Variants in PTPRN2 observed in about 807,000 individuals in gnomAD.
The protein encoded by PTPRN2 is protein tyrosine phosphatase receptor type N2, also known as receptor-type tyrosine-protein phosphatase N2.
Under a neutral mutation model 118.8 loss-of-function variants are expected in PTPRN2, and 74 were observed. The observed-to-expected ratio is 0.62, with a 90% confidence interval of 0.52 to 0.76. PTPRN2 has a LOEUF of 0.76. PTPRN2 is among the 30% of genes least tolerant of loss of function. The pLI is 0.00. For missense variants in PTPRN2, 1,481 were observed against 1,394.4 expected (o/e 1.06, Z -0.99); for synonymous variants, 641 against 608.0 (o/e 1.05, Z -0.80).
intron 11 of PTPRN2, among the ~76,000 whole-genome samples, chr7:157,904,960 C>A (rs1384507730): frequency 6.6e-6 from 1 of 152,160 alleles, no homozygotes; most frequent in African/African-American, 2.4e-5. Flanking sequence ...TCTCAGGGCA[C>A]CCCCGACACC....
intron 21 of PTPRN2, among the ~76,000 whole-genome samples, chr7:157,558,583 G>A (rs1175406281): frequency 1.3e-5 from 2 of 152,266 alleles, no homozygotes; most frequent in Non-Finnish European, 2.9e-5. Flanking sequence ...TTCTCATGCT[G>A]CCTGGAACAC....
At chr7:158,490,091 C>A (rs1316460825) in intron 1 of PTPRN2, among the ~76,000 whole-genome samples, 3 of 152,178 alleles carry the variant, frequency 2.0e-5, no homozygotes, top group African/African-American at 7.2e-5. Flanking sequence ...GGAGCAGCAG[C>A]GGGGCCGGGG....
intron 3 of PTPRN2, among the ~76,000 whole-genome samples, chr7:158,249,484 A>G (rs554162547): frequency 7.3e-5 from 11 of 150,430 alleles, no homozygotes; most frequent in African/African-American, 2.7e-4. Context: ...CCACACCTGC[A>G]CACACACACC....
intron 3 of PTPRN2, among the ~76,000 whole-genome samples, chr7:158,206,505 G>A (rs1827158086): frequency 6.6e-6 from 1 of 152,086 alleles, no homozygotes. Context: ...TACAGTCCTA[G>A]TGGTGGGGTG....
At position 157,981,781 on chromosome 7, in the gene PTPRN2, T is replaced by C. The variant is rs145693499; in HGVS notation, c.1724-83044A>G. Reference sequence around the variant, plus strand: ...TACTTCGGAAAGGCACAAGCTATGATGTGAAGGCTTTGAGTTAATATAACA... The same window carrying C: ...TACTTCGGAAAGGCACAAGCTATGACGTGAAGGCTTTGAGTTAATATAACA... On this transcript the variant is annotated intron_variant, in intron 11 of 22. Transcript: ENST00000389418. Among the ~76,000 whole-genome samples, 419 of 152,394 alleles carry C rather than the reference T, an allele frequency of 2.7e-3. 2 individuals carry two copies. The highest frequency in any genetic ancestry group is 9.4e-3 in the African/African-American group (393 of 41,600).
chr7:157,978,766 C>A (rs990200563), intron 11 of PTPRN2, among the ~76,000 whole-genome samples: 1 of 151,972 alleles, frequency 6.6e-6, no homozygotes, highest in Non-Finnish European at 1.5e-5. Context: ...AAGCCTTTTC[C>A]CCTGATTTTC....
rs373447831 is a variant in PTPRN2 at position 158,510,984 on chromosome 7, G to C, written c.113-21199C>G. On this transcript the variant is annotated intron_variant, in intron 1 of 22. Coordinates refer to ENST00000389418, the MANE Select transcript of PTPRN2 (RefSeq NM_002847.5). ...CCTGCCACCCATGTGAGGTCACATG[G>C]GGTTGGCAAAGAACCTTCCTTGAGT... Among the ~76,000 whole-genome samples the C allele has an allele frequency of 6.6e-4, 101 of 152,330 alleles. 1 individual carries two copies. The South Asian group carries it at 0.021, about 31-fold the overall frequency.
chr7:158,414,067 CAAAAAA>C (rs34928217), intron 2 of PTPRN2, among the ~76,000 whole-genome samples: 3 of 76,470 alleles, frequency 3.9e-5, no homozygotes, highest in Non-Finnish European at 5.2e-5. Context: ...GCCTCTATCT[CAAAAAA>C]AAAAAAAAAA....
intron 6 of PTPRN2, among the ~76,000 whole-genome samples, chr7:158,139,743 A>G (rs1025798453): frequency 1.3e-5 from 2 of 152,228 alleles, no homozygotes; most frequent in African/African-American, 4.8e-5. Flanking sequence ...CCAGGAGCGC[A>G]GAGGCCGCCA....
chr7:158,475,068 C>A (rs1333576084), intron 2 of PTPRN2, among the ~76,000 whole-genome samples: 1 of 152,164 alleles, frequency 6.6e-6, no homozygotes, highest in South Asian at 2.1e-4. Context: ...ACCCCGGCTG[C>A]AGCACAGTCT....
At position 158,570,476 on chromosome 7, in the gene PTPRN2, G is replaced by A. The variant is rs531213632; in HGVS notation, c.112+17082C>T. Among the ~76,000 whole-genome samples, 86 of 152,242 alleles carry A rather than the reference G, an allele frequency of 5.6e-4. 1 individual carries two copies. Among genetic ancestry groups the A allele is most frequent in the African/African-American group, 2.0e-3 (84 of 41,572 alleles). On this transcript the variant is annotated intron_variant, in intron 1 of 22. Coordinates refer to ENST00000389418, the MANE Select transcript of PTPRN2 (RefSeq NM_002847.5). This position sits in a 1 kb window ranked among gnomAD's most constrained non-coding sequence, Gnocchi z 4.5. The stretch of plus-strand genomic sequence containing the variant: ...GACGGACTCTGCACCGTGAGAAAGC[G>A]GCTTCGGCAGCTCCGACCCCTCAAC...
intron 6 of PTPRN2, among the ~76,000 whole-genome samples, chr7:158,144,412 C>T (rs999679818): frequency 6.6e-5 from 10 of 152,106 alleles, no homozygotes; most frequent in African/African-American, 2.2e-4. Flanking sequence ...CCAAGGTGGG[C>T]GGATTTCTTG....
chr7:158,498,021 C>T (rs1371077943), intron 1 of PTPRN2, among the ~76,000 whole-genome samples: 1 of 152,266 alleles, frequency 6.6e-6, no homozygotes, highest in Non-Finnish European at 1.5e-5. Context: ...CACCTCCACC[C>T]CATACGCCTG....
At chr7:158,467,336 C>T (rs1413415151) in intron 2 of PTPRN2, among the ~76,000 whole-genome samples, 1 of 151,734 alleles carries the variant, frequency 6.6e-6, no homozygotes, top group Admixed American at 6.6e-5. Context: ...TGAGTGAGTT[C>T]CTTATATATT....
At chr7:158,231,050 T>C (rs1166685894) in intron 3 of PTPRN2, among the ~76,000 whole-genome samples, 1 of 152,090 alleles carries the variant, frequency 6.6e-6, no homozygotes, top group African/African-American at 2.4e-5. Context: ...GAGAATTGCT[T>C]GTGTCTGGGA....
rs1427527592 is a variant in PTPRN2 at position 157,779,253 on chromosome 7, G to C, written c.1789-96316C>G. 6.6e-6 allele frequency among the ~76,000 whole-genome samples: 1 copy of C among 152,212 alleles called. No individual in the cohort carries two copies. The highest frequency in any genetic ancestry group is 1.5e-5 in the Non-Finnish European group (1 of 68,032). The stretch of plus-strand genomic sequence containing the variant: ...ATGGGAGCCCCGCCCTGGCTGCCAG[G>C]CTTCCCTGGGCAAGGTCAGCAAGGC... On this transcript the variant is annotated intron_variant, in intron 12 of 22. Coordinates refer to ENST00000389418, the MANE Select transcript of PTPRN2 (RefSeq NM_002847.5). The surrounding 1 kb of genome is among the most constrained non-coding windows in gnomAD (Gnocchi z 4.7).
chr7:158,329,819 G>A (rs929712073), intron 2 of PTPRN2, among the ~76,000 whole-genome samples: 3 of 152,138 alleles, frequency 2.0e-5, no homozygotes, highest in Admixed American at 2.0e-4. Flanking sequence ...CACCGCTCGA[G>A]GCTGTGTCCT....
chr7:157,614,036 G>A, intron 15 of PTPRN2: 1 of 471,386 alleles, frequency 2.1e-6, no homozygotes, highest in Non-Finnish European at 4.4e-6. Flanking sequence ...GGGATGCCTT[G>A]GAAAGCATCG....
At chr7:158,210,433 A>C (rs1187928832) in intron 3 of PTPRN2, among the ~76,000 whole-genome samples, 1 of 152,206 alleles carries the variant, frequency 6.6e-6, no homozygotes, top group Non-Finnish European at 1.5e-5. Flanking sequence ...AGCAAGAGCA[A>C]ACCAAACCCA....
Sources: gnomAD v4.1 joint callset for allele counts (sites outside exome capture counted in the v4.1 genomes callset) on GRCh38, gnomAD v4.1.1 for gene constraint, Gnocchi (gnomAD v3.1) non-coding constraint, MANE v1.5 for transcripts, NCBI Gene and HGNC (gene_info 2026-07-23, HGNC 2026-07-21) for gene names.